MAP3K13: variants seen among roughly 807,000 people sequenced by gnomAD.
The protein encoded by MAP3K13 is leucine zipper-bearing kinase.
Under a neutral mutation model 104.0 loss-of-function variants are expected in MAP3K13, and 52 were observed. That is an observed-to-expected ratio of 0.50 (90% CI 0.40 to 0.63). The LOEUF is 0.63. Ranked by LOEUF, MAP3K13 falls within the 20% of genes least tolerant of loss-of-function variation. MAP3K13 has a pLI of 0.00. For synonymous variants in MAP3K13, 394 were observed against 442.2 expected, an observed-to-expected ratio of 0.89 and a Z score of 1.37; for missense variants, 914 against 1,218.5, an observed-to-expected ratio of 0.75 and a Z score of 3.72.
chr3:185,397,154 C>T (rs73887883), intron 1 of MAP3K13, among the ~76,000 whole-genome samples: 2,104 of 152,230 alleles, frequency 0.014, 45 homozygotes, highest in African/African-American at 0.048. Flanking sequence ...ATCTTTTGTG[C>T]AATTTATCTG....
At chr3:185,394,586 T>C (rs1391204919) in intron 1 of MAP3K13, among the ~76,000 whole-genome samples, 2 of 152,232 alleles carry the variant, frequency 1.3e-5, no homozygotes, top group Non-Finnish European at 2.9e-5. Context: ...TTCCAGGGTA[T>C]ACTACGTAAG....
At chr3:185,452,983 C>T (rs1402967327) in intron 7 of MAP3K13, among the ~76,000 whole-genome samples, 1 of 152,094 alleles carries the variant, frequency 6.6e-6, no homozygotes, top group Admixed American at 6.6e-5. Context: ...TCTGCCACAG[C>T]ACATCATAAG....
rs1438505951 is a variant in MAP3K13, at chr3:185,455,659, T to C, written c.1278+4264T>C. On this transcript the variant is annotated intron_variant, in intron 7 of 13. Transcript: ENST00000265026. ...TGATATATATGAGATATATATATGATATATATATGATATATATATGAGATA... is the reference window on the plus strand; with the variant it reads ...TGATATATATGAGATATATATATGACATATATATGATATATATATGAGATA... Among the ~76,000 whole-genome samples, 20 of 21,642 alleles carry C rather than the reference T, an allele frequency of 9.2e-4. 2 individuals carry two copies. The highest frequency in any genetic ancestry group is 1.6e-3 in the South Asian group (1 of 624). 14.2% of individuals were successfully genotyped at this position (21,642 alleles called of 152,430 possible).
At chr3:185,321,738 G>A (rs2108695928) in intron 2 of MAP3K13, among the ~76,000 whole-genome samples, 1 of 152,224 alleles carries the variant, frequency 6.6e-6, no homozygotes, top group South Asian at 2.1e-4. Context: ...CGAGTATCTG[G>A]GATTACAGGC....
intron 2 of MAP3K13, among the ~76,000 whole-genome samples, chr3:185,343,600 G>A (rs935674007): frequency 4.6e-5 from 7 of 152,052 alleles, no homozygotes; most frequent in African/African-American, 1.2e-4. Flanking sequence ...CTACAGGCAC[G>A]TGCCACCATG....
At chr3:185,372,832 AT>A (rs2108751045) in intron 1 of MAP3K13, among the ~76,000 whole-genome samples, 1 of 152,334 alleles carries the variant, frequency 6.6e-6, no homozygotes, top group East Asian at 1.9e-4. Context: ...AGATAACCTT[AT>A]TATTAATGCA....
At chr3:185,410,153 T>C (rs1014823360) in intron 1 of MAP3K13, among the ~76,000 whole-genome samples, 1 of 152,192 alleles carries the variant, frequency 6.6e-6, no homozygotes, top group African/African-American at 2.4e-5. Context: ...CTGTGCAGCC[T>C]GGTTCTTAAC....
At chr3:185,291,819 G>C in intron 2 of MAP3K13, 1 of 1,271,394 alleles carries the variant, frequency 7.9e-7, no homozygotes, top group Non-Finnish European at 9.9e-7. Context: ...CCCTTCCTCT[G>C]ACTTCTCTTC....
At chr3:185,373,940 T>G (rs1458596087) in intron 1 of MAP3K13, among the ~76,000 whole-genome samples, 1 of 151,808 alleles carries the variant, frequency 6.6e-6, no homozygotes, top group East Asian at 1.9e-4. Context: ...CATTAGTTCT[T>G]ATAGGTTTTG....
chr3:185,333,732 T>A (rs1256401605), intron 2 of MAP3K13, among the ~76,000 whole-genome samples: 1 of 151,918 alleles, frequency 6.6e-6, no homozygotes, highest in African/African-American at 2.4e-5. Context: ...CATATCCATT[T>A]AAAAAAATTA....
intron 3 of MAP3K13, among the ~76,000 whole-genome samples, chr3:185,438,116 A>G (rs1372485): frequency 0.96 from 146,505 of 152,092 alleles, 70,834 homozygotes; most frequent in East Asian, 1. Context: ...AATATAGTGG[A>G]ACCCTGTCTG....
chr3:185,473,844 T>G lies in MAP3K13; in HGVS notation c.2430+83T>G. 2.9e-6 allele frequency: 4 copies of G among 1,363,190 alleles called. No individual in the cohort carries two copies. Among genetic ancestry groups the G allele is most frequent in the Non-Finnish European group, 4.0e-6 (4 of 1,005,724 alleles). The allele number at this position is 1,363,190 out of a possible 1,614,324, so 84.4% of individuals were successfully genotyped here. On this transcript the variant is annotated intron_variant, in intron 11 of 13. Coordinates refer to ENST00000265026, the MANE Select transcript of MAP3K13 (RefSeq NM_004721.5). The surrounding 1 kb of genome is among the most constrained non-coding windows in gnomAD (Gnocchi z 4.9). ...GTCATGTTATACACATTAGAGAGCA[T>G]ATGTAAAAAGTATACATTTTGTAAA...
chr3:185,450,075 TA>T lies in MAP3K13; in HGVS notation c.1169+21del. 6.3e-7 allele frequency: 1 copy of T among 1,592,284 alleles called. No individual in the cohort carries two copies. The highest frequency in any genetic ancestry group is 8.5e-7 in the Non-Finnish European group (1 of 1,169,826). On this transcript the variant is annotated intron_variant, in intron 6 of 13. Coordinates refer to ENST00000265026, the MANE Select transcript of MAP3K13 (RefSeq NM_004721.5). This position sits in a 1 kb window ranked among gnomAD's most constrained non-coding sequence, Gnocchi z 4.2. The stretch of plus-strand genomic sequence containing the variant: ...ACAGACGTGGTAAGAATATTGTCTC[TA>T]AAACAATAGGGAGGTCTCTAATGTG...
In MAP3K13 at chr3:185,483,116, A is replaced by G. The variant is rs947885709; in HGVS notation, c.*660A>G. The G allele has an allele frequency of 2.6e-5, 6 of 232,936 alleles. No homozygotes were observed. Among genetic ancestry groups the G allele is most frequent in the African/African-American group, 1.1e-4 (5 of 45,350 alleles). 14.4% of individuals were successfully genotyped at this position (232,936 alleles called of 1,614,324 possible). A position where few individuals can be genotyped will look rare whatever the true frequency, so the allele number is the denominator to read the frequency against. ...TCTGGTGACCAGATACTTGCACCCA[A>G]TGTCTTCAAGGGCATGTGCTTCCTC... On this transcript the variant is annotated 3_prime_UTR_variant, in exon 14 of 14. Coordinates refer to ENST00000265026, the MANE Select transcript of MAP3K13 (RefSeq NM_004721.5).
chr3:185,283,376 C>A (rs990187092), intron 1 of MAP3K13, among the ~76,000 whole-genome samples: 1 of 152,110 alleles, frequency 6.6e-6, no homozygotes. Flanking sequence ...CCTACCCCGA[C>A]CTGTTCTGCT....
chr3:185,450,726 T>C lies in MAP3K13; in HGVS notation c.1170-561T>C, dbSNP rs187825251. On this transcript the variant is annotated intron_variant, in intron 6 of 13. Transcript: ENST00000265026. This position sits in a 1 kb window ranked among gnomAD's most constrained non-coding sequence, Gnocchi z 4.2. ...GAGGTAGGAGGATCACTTGAACCCATGAGTCTGAGATCAGCTTAGGCAACA... is the reference window on the plus strand; with the variant it reads ...GAGGTAGGAGGATCACTTGAACCCACGAGTCTGAGATCAGCTTAGGCAACA... Among the ~76,000 whole-genome samples the C allele has an allele frequency of 2.0e-5, 3 of 150,526 alleles. No homozygotes were observed. The highest frequency in any genetic ancestry group is 1.3e-4 in the Admixed American group (2 of 15,148).
intron 1 of MAP3K13, among the ~76,000 whole-genome samples, chr3:185,394,564 G>A (rs1712267323): frequency 6.6e-6 from 1 of 152,188 alleles, no homozygotes; most frequent in Non-Finnish European, 1.5e-5. Flanking sequence ...AGATCATATA[G>A]CTACATAACT....
At chr3:185,446,117 A>G (rs981510202) in intron 4 of MAP3K13, among the ~76,000 whole-genome samples, 5 of 152,230 alleles carry the variant, frequency 3.3e-5, no homozygotes, top group Non-Finnish European at 5.9e-5. Flanking sequence ...TTTGGTAAAT[A>G]GCCATTGGTG....
At position 185,298,043 on chromosome 3, in the gene MAP3K13, G is replaced by A. The variant is rs140998088; in HGVS notation, c.-86+12400G>A. On this transcript the variant is annotated intron_variant, in intron 2 of 14. Coordinates refer to the MAP3K13 transcript ENST00000424227. ...GCAGGCCAGAGATAAAGCAGGGAAC[G>A]TGGCGACGGACTACAGGCCTTTCAG... 4.1e-4 allele frequency among the ~76,000 whole-genome samples: 62 copies of A among 151,778 alleles called. 3 individuals carry two copies. In the East Asian group the frequency reaches 0.01, roughly 25 times the overall value.
Sources: allele counts gnomAD v4.1 joint callset (sites outside exome capture counted in the v4.1 genomes callset), GRCh38; gene constraint gnomAD v4.1.1; non-coding constraint Gnocchi (gnomAD v3.1); transcripts MANE v1.5; gene names NCBI Gene and HGNC (gene_info 2026-07-23, HGNC 2026-07-21).